SLC44A5: variants seen among roughly 807,000 people sequenced by gnomAD.
The protein encoded by SLC44A5 is choline transporter-like protein 5.
SLC44A5 carries 57 observed loss-of-function variants against 101.8 expected under a neutral mutation model. The ratio of observed to expected loss-of-function variants is 0.56; its 90% CI spans 0.45 to 0.70. SLC44A5 has a LOEUF of 0.70. Ranked by LOEUF, SLC44A5 falls within the 30% of genes least tolerant of loss-of-function variation. The probability of loss-of-function intolerance (pLI) is 0.00; values close to 1 mark genes in which losing one functional copy is unlikely to be tolerated. For missense variants in SLC44A5, 737 were observed against 853.1 expected (o/e 0.86, Z 1.70); for synonymous variants, 281 against 290.9 (o/e 0.97, Z 0.35).
At position 75,213,753 on chromosome 1, in the gene SLC44A5, C is replaced by G. The variant is rs747319597; in HGVS notation, c.1914G>C (p.Val638=). 10 of 1,613,068 alleles carry G rather than the reference C, an allele frequency of 6.2e-6. No individual in the cohort carries two copies. Residue 638 remains valine (V), a synonymous_variant, in exon 22 of 24, where the codon GTG becomes GTC. Transcript: ENST00000370859. ...AFLFFTQRLP[V]IAQGPASLNY... ...TTAAAGATGCTGGTCCTTGTGCAAT[C>G]ACTGGCAGTCTTTGTGTGAAGAATA...
At chr1:75,433,805 AC>A (rs2101603838) in intron 2 of SLC44A5, among the ~76,000 whole-genome samples, 1 of 152,252 alleles carries the variant, frequency 6.6e-6, no homozygotes, top group African/African-American at 2.4e-5. Flanking sequence ...TCATTTATAA[AC>A]GAAAGAGGTT....
intron 4 of SLC44A5, among the ~76,000 whole-genome samples, chr1:75,303,935 C>A (rs572067579): frequency 7.2e-5 from 11 of 151,870 alleles, no homozygotes; most frequent in Admixed American, 2.0e-4. Flanking sequence ...GCACATGTAC[C>A]CTAGAACTTA....
At chr1:75,595,681 T>TA (rs984758235) in intron 1 of SLC44A5, among the ~76,000 whole-genome samples, 10 of 152,108 alleles carry the variant, frequency 6.6e-5, no homozygotes, top group East Asian at 1.9e-4. Context: ...GCATAATTTT[T>TA]AAAAAAACTG....
intron 2 of SLC44A5, among the ~76,000 whole-genome samples, chr1:75,430,621 G>T (rs1014034319): frequency 6.6e-6 from 1 of 152,194 alleles, no homozygotes; most frequent in African/African-American, 2.4e-5. Context: ...TATAGGTCAG[G>T]TCCTCAGACT....
intron 4 of SLC44A5, among the ~76,000 whole-genome samples, chr1:75,333,515 C>T (rs182533193): frequency 1.3e-4 from 20 of 148,804 alleles, no homozygotes; most frequent in African/African-American, 3.0e-4. Flanking sequence ...CTGATAATTA[C>T]GCAAATAACC....
intron 10 of SLC44A5, among the ~76,000 whole-genome samples, 157 bp downstream of exon 10, chr1:75,238,356 C>T (rs1648297795): frequency 6.9e-6 from 1 of 144,206 alleles, no homozygotes; most frequent in Admixed American, 7.1e-5. Context: ...ATGTATCAAG[C>T]TCTTCAATTC....
chr1:75,352,099 C>A (rs1658720038), intron 3 of SLC44A5, among the ~76,000 whole-genome samples: 1 of 151,826 alleles, frequency 6.6e-6, no homozygotes, highest in Admixed American at 6.6e-5. Context: ...GGTTCTTATA[C>A]CCCATAAGTT....
intron 2 of SLC44A5, among the ~76,000 whole-genome samples, chr1:75,419,437 C>A (rs1310637996): frequency 7.1e-6 from 1 of 141,740 alleles, no homozygotes; most frequent in South Asian, 2.2e-4. Context: ...AAAACTAAGA[C>A]AATGAATGAC....
the SLC44A5 span, among the ~76,000 whole-genome samples, chr1:75,712,963 A>G: frequency 6.6e-6 from 1 of 152,020 alleles, no homozygotes; most frequent in Non-Finnish European, 1.5e-5. Flanking sequence ...TTCCCTTCCT[A>G]CAGTAATCCT....
At chr1:75,542,278 ATAG>A (rs1270689191) in intron 1 of SLC44A5, among the ~76,000 whole-genome samples, 4 of 152,122 alleles carry the variant, frequency 2.6e-5, no homozygotes, top group African/African-American at 4.8e-5. Context: ...TTCCATAACC[ATAG>A]TATAGTTGCC....
rs747438202 is a variant in SLC44A5 at position 75,218,673 on chromosome 1, T to C, written c.1346A>G (p.Tyr449Cys). ...NFAFYGGKSL[Y>C]HQYIPTFHVY... ...ATGGAAGGTAGGGATGTACTGATGG[T>C]ACAAGCTCTTTCCACCATAGAAAGC... Residue 449 changes from tyrosine to cysteine, a missense_variant, in exon 17 of 24, where the codon TAC becomes TGC. Physicochemically the swap from Tyr to Cys is radical, Grantham distance 194. This residue lies in a region of SLC44A5 where 665 missense variants were observed against 764.4 expected (regional missense o/e 0.87). Transcript: ENST00000370859. The C allele has an allele frequency of 6.2e-7, 1 of 1,613,674 alleles. No individual in the cohort carries two copies.
intron 2 of SLC44A5, among the ~76,000 whole-genome samples, chr1:75,521,000 T>C (rs565053039): frequency 1.3e-5 from 2 of 152,320 alleles, no homozygotes; most frequent in South Asian, 2.1e-4. Flanking sequence ...TCAGTTGTCC[T>C]GACACAGGGT....
intron 7 of SLC44A5, among the ~76,000 whole-genome samples, chr1:75,248,430 G>A (rs2100634719): frequency 6.6e-6 from 1 of 152,220 alleles, no homozygotes; most frequent in South Asian, 2.1e-4. Context: ...AGAAGCACAG[G>A]CAGTTCACCC....
At chr1:75,446,396 T>A (rs1237936565) in intron 2 of SLC44A5, among the ~76,000 whole-genome samples, 1 of 152,134 alleles carries the variant, frequency 6.6e-6, no homozygotes, top group African/African-American at 2.4e-5. Flanking sequence ...CTGTTTTGAA[T>A]GGTACCCCAG....
chr1:75,383,382 G>A (rs1404042065), intron 3 of SLC44A5, among the ~76,000 whole-genome samples: 2 of 150,444 alleles, frequency 1.3e-5, no homozygotes, highest in Non-Finnish European at 3.0e-5. Context: ...TTGTCTCTGT[G>A]TCTTTTTCTT....
At chr1:75,479,435 A>C (rs1252917510) in intron 2 of SLC44A5, among the ~76,000 whole-genome samples, 1 of 152,200 alleles carries the variant, frequency 6.6e-6, no homozygotes, top group Middle Eastern at 3.4e-3. Context: ...GACACAAAAA[A>C]CCCTTCAAAA....
At chr1:75,656,926 A>G in the SLC44A5 span, among the ~76,000 whole-genome samples, 3 of 152,212 alleles carry the variant, frequency 2.0e-5, no homozygotes, top group African/African-American at 7.2e-5. Context: ...AGGCAGGCAG[A>G]TCACCTGAGA....
intron 2 of SLC44A5, among the ~76,000 whole-genome samples, chr1:75,478,654 A>G (rs1398445842): frequency 1.3e-5 from 2 of 152,160 alleles, no homozygotes; most frequent in Non-Finnish European, 2.9e-5. Context: ...AGAGACAAAG[A>G]AGGCCATTAC....
At chr1:75,360,986 A>G (rs564178371) in intron 3 of SLC44A5, among the ~76,000 whole-genome samples, 36 of 152,284 alleles carry the variant, frequency 2.4e-4, no homozygotes, top group African/African-American at 7.5e-4. Flanking sequence ...AATTTTTGGC[A>G]TCAGTGTTTA....
Sources: allele counts gnomAD v4.1 joint callset (sites outside exome capture counted in the v4.1 genomes callset), GRCh38; gene constraint gnomAD v4.1.1; regional missense constraint gnomAD v4.1.1; transcripts MANE v1.5; gene names NCBI Gene and HGNC (gene_info 2026-07-23, HGNC 2026-07-21).